SUSD4: variants seen among roughly 807,000 people sequenced by gnomAD.
The protein encoded by SUSD4 is sushi domain-containing protein 4.
Under a neutral mutation model 50.5 loss-of-function variants are expected in SUSD4, and 41 were observed. The observed-to-expected ratio is 0.81, with a 90% CI of 0.63 to 1.05. SUSD4 has a LOEUF of 1.05. SUSD4 is among the 50% of genes least tolerant of loss of function. SUSD4 has a pLI of 0.00. For missense variants in SUSD4, 580 were observed against 634.7 expected, an observed-to-expected ratio of 0.91 and a Z score of 0.93; for synonymous variants, 257 against 257.3, an observed-to-expected ratio of 1.00 and a Z score of 0.01.
At chr1:223,252,503 A>C (rs1034962483) in intron 5 of SUSD4, among the ~76,000 whole-genome samples, 1 of 152,030 alleles carries the variant, frequency 6.6e-6, no homozygotes, top group Non-Finnish European at 1.5e-5. Flanking sequence ...TGGTAGGCAA[A>C]GGTCCCATTG....
At chr1:223,334,049 G>A (rs1667322046) in intron 2 of SUSD4, among the ~76,000 whole-genome samples, 1 of 152,112 alleles carries the variant, frequency 6.6e-6, no homozygotes, top group Non-Finnish European at 1.5e-5. Flanking sequence ...TTCTCTGCTT[G>A]TCTCAGTCTT....
At chr1:223,286,366 C>T (rs1482800473) in intron 3 of SUSD4, among the ~76,000 whole-genome samples, 3 of 152,200 alleles carry the variant, frequency 2.0e-5, no homozygotes, top group African/African-American at 4.8e-5. Context: ...CCACCTGCCT[C>T]GGCCTCCCAA....
chr1:223,224,361 A>AC (rs577395491), intron 7 of SUSD4, among the ~76,000 whole-genome samples: 1 of 152,110 alleles, frequency 6.6e-6, no homozygotes, highest in Non-Finnish European at 1.5e-5. Flanking sequence ...AAACAAACAA[A>AC]AAACAGTAAC....
chr1:223,336,965 G>A (rs1667490843), intron 2 of SUSD4, among the ~76,000 whole-genome samples: 1 of 152,068 alleles, frequency 6.6e-6, no homozygotes, highest in African/African-American at 2.4e-5. Context: ...CTAAGATGGT[G>A]GAAAAGGACA....
At chr1:223,338,892 CT>C (rs1414147077) in intron 2 of SUSD4, among the ~76,000 whole-genome samples, 5 of 152,164 alleles carry the variant, frequency 3.3e-5, no homozygotes, top group Admixed American at 6.5e-5. Context: ...CATCTATGTC[CT>C]CATCAGAACC....
intron 2 of SUSD4, among the ~76,000 whole-genome samples, chr1:223,302,070 G>A (rs1665233766): frequency 1.3e-5 from 2 of 152,140 alleles, no homozygotes; most frequent in South Asian, 2.1e-4. Context: ...CCCTAGTGCT[G>A]TCTCCTGATA....
intron 2 of SUSD4, among the ~76,000 whole-genome samples, chr1:223,326,417 T>C (rs914462555): frequency 4.6e-5 from 7 of 152,032 alleles, no homozygotes; most frequent in African/African-American, 1.7e-4. Flanking sequence ...TGGAAAAACT[T>C]TTCTAAACAT....
At chr1:223,360,121 C>G in intron 2 of SUSD4, 1 of 450,582 alleles carries the variant, frequency 2.2e-6, no homozygotes, top group South Asian at 1.6e-5. Context: ...GCTGAGGCTC[C>G]CAAGTCCTGA....
intron 5 of SUSD4, among the ~76,000 whole-genome samples, chr1:223,261,537 C>T (rs561115042): frequency 4.6e-5 from 7 of 152,344 alleles, no homozygotes; most frequent in Admixed American, 1.3e-4. Flanking sequence ...AAAGGAGACA[C>T]TGTGTCAAAC....
intron 2 of SUSD4, among the ~76,000 whole-genome samples, chr1:223,361,817 G>A (rs1157971955): frequency 2.0e-5 from 3 of 152,212 alleles, no homozygotes; most frequent in African/African-American, 7.2e-5. Flanking sequence ...GAGGAGGGGA[G>A]GAAATGATCC....
At chr1:223,322,537 G>A (rs540920797) in intron 2 of SUSD4, among the ~76,000 whole-genome samples, 1 of 152,172 alleles carries the variant, frequency 6.6e-6, no homozygotes, top group Admixed American at 6.5e-5. Flanking sequence ...GCTAAAATCT[G>A]TACACAAATA....
chr1:223,315,347 AT>A (rs2103225524), intron 2 of SUSD4, among the ~76,000 whole-genome samples: 1 of 152,338 alleles, frequency 6.6e-6, no homozygotes, highest in Admixed American at 6.5e-5. Flanking sequence ...ACCTTCTCTA[AT>A]TACTCAACTT....
At chr1:223,319,065 A>T (rs1666414798) in intron 2 of SUSD4, among the ~76,000 whole-genome samples, 3 of 44,094 alleles carry the variant, frequency 6.8e-5, no homozygotes, top group Non-Finnish European at 4.5e-5. Context: ...AGGATTCCCT[A>T]TTTAATAAAT....
intron 3 of SUSD4, among the ~76,000 whole-genome samples, chr1:223,275,995 A>G (rs1301529026): frequency 6.6e-6 from 1 of 152,230 alleles, no homozygotes; most frequent in African/African-American, 2.4e-5. Context: ...AATCAGTAAT[A>G]GGACTCACAG....
intron 3 of SUSD4, among the ~76,000 whole-genome samples, chr1:223,273,367 G>C (rs1368833540): frequency 6.6e-6 from 1 of 152,172 alleles, no homozygotes; most frequent in Non-Finnish European, 1.5e-5. Context: ...TTTCCCATAT[G>C]TACAGTAAAG....
intron 5 of SUSD4, among the ~76,000 whole-genome samples, chr1:223,244,148 C>A (rs1660768197): frequency 1.3e-5 from 2 of 152,148 alleles, no homozygotes; most frequent in Admixed American, 1.3e-4. Context: ...CTCTCGGGCA[C>A]CACATCTCCC....
chr1:223,266,342 T>C (rs551537549), intron 4 of SUSD4, among the ~76,000 whole-genome samples: 28 of 152,086 alleles, frequency 1.8e-4, no homozygotes, highest in Non-Finnish European at 3.7e-4. Flanking sequence ...GGGAGGAGGT[T>C]GGGGATCAGG....
chr1:223,316,999 A>G (rs1444439762), intron 2 of SUSD4, among the ~76,000 whole-genome samples: 1 of 152,186 alleles, frequency 6.6e-6, no homozygotes, highest in African/African-American at 2.4e-5. Context: ...GGCTGATGGA[A>G]GTGTCAGAGG....
Position 223,229,509 on chromosome 1 carries a change from G to A in SUSD4, c.725-121C>T. 2.1e-6 allele frequency: 2 copies of A among 937,566 alleles called. No individual in the cohort carries two copies. The highest frequency in any genetic ancestry group is 3.1e-6 in the Non-Finnish European group (2 of 654,860). 58.1% of individuals were successfully genotyped at this position (937,566 alleles called of 1,614,324 possible). A position where few individuals can be genotyped will look rare whatever the true frequency, so the allele number is the denominator to read the frequency against. Reference sequence around the variant, plus strand: ...AAATGTGCTTATGGATTAATCACCAGGCTACTGAGTTGCATTAGAGATGGT... The same window carrying A: ...AAATGTGCTTATGGATTAATCACCAAGCTACTGAGTTGCATTAGAGATGGT... On this transcript the variant is annotated intron_variant, in intron 5 of 8. Transcript: ENST00000366878. This position sits in a 1 kb window ranked among gnomAD's most constrained non-coding sequence, Gnocchi z 4.7.
Sources: gnomAD v4.1 joint callset for allele counts (sites outside exome capture counted in the v4.1 genomes callset) on GRCh38, gnomAD v4.1.1 for gene constraint, Gnocchi (gnomAD v3.1) non-coding constraint, MANE v1.5 for transcripts, NCBI Gene and HGNC (gene_info 2026-07-23, HGNC 2026-07-21) for gene names.